The following PPM1L variants were observed in gnomAD, a reference collection of about 807,000 sequenced individuals.
PPM1L encodes protein phosphatase 1L.
Under a neutral mutation model 31.4 loss-of-function variants are expected in PPM1L, and 13 were observed. The observed-to-expected ratio is 0.41, with a 90% CI of 0.27 to 0.66. PPM1L has a LOEUF of 0.66. PPM1L is among the 30% of genes least tolerant of loss of function. The probability of loss-of-function intolerance (pLI) is 0.29; values close to 1 mark genes in which losing one functional copy is unlikely to be tolerated. For missense variants in PPM1L, 326 were observed against 453.7 expected (o/e 0.72, Z 2.56); for synonymous variants, 184 against 175.4 (o/e 1.05, Z -0.39).
chr3:160,886,573 G>A (rs553699547), intron 1 of PPM1L, among the ~76,000 whole-genome samples: 21 of 152,154 alleles, frequency 1.4e-4, no homozygotes, highest in African/African-American at 4.6e-4. Context: ...AGATGAATAC[G>A]GCCTGAAGTG....
At chr3:160,840,638 T>C (rs1713843600) in intron 1 of PPM1L, among the ~76,000 whole-genome samples, 2 of 151,862 alleles carry the variant, frequency 1.3e-5, no homozygotes, top group Non-Finnish European at 2.9e-5. Context: ...CTGGGGATGC[T>C]GCTGGCACAA....
intron 1 of PPM1L, among the ~76,000 whole-genome samples, chr3:160,922,221 A>G (rs1009653178): frequency 2.6e-5 from 4 of 152,078 alleles, no homozygotes; most frequent in Non-Finnish European, 4.4e-5. Context: ...GAGGCAGGAG[A>G]ATGGCGTGAA....
chr3:160,921,519 G>C (rs1714402751), intron 1 of PPM1L, among the ~76,000 whole-genome samples: 1 of 152,154 alleles, frequency 6.6e-6, no homozygotes, highest in South Asian at 2.1e-4. Flanking sequence ...ATAACGTTTA[G>C]TCCCATTTAC....
chr3:160,956,429 T>A (rs1003521853), intron 1 of PPM1L, among the ~76,000 whole-genome samples: 10 of 152,228 alleles, frequency 6.6e-5, no homozygotes, highest in Non-Finnish European at 1.3e-4. Context: ...ATTTAGGATA[T>A]GTCTGGCTAA....
At chr3:160,758,288 T>A (rs1714871918) in intron 1 of PPM1L, among the ~76,000 whole-genome samples, 1 of 152,196 alleles carries the variant, frequency 6.6e-6, no homozygotes, top group Non-Finnish European at 1.5e-5. Context: ...GCCAGTATAA[T>A]GGCTGATTTG....
chr3:160,762,261 C>T (rs971343324), intron 1 of PPM1L, among the ~76,000 whole-genome samples: 50 of 152,208 alleles, frequency 3.3e-4, no homozygotes, highest in Admixed American at 3.3e-4. Context: ...AGAGAAGATT[C>T]TGATTATTTT....
chr3:160,905,087 C>G (rs543589796), intron 1 of PPM1L, among the ~76,000 whole-genome samples: 1 of 152,236 alleles, frequency 6.6e-6, no homozygotes, highest in South Asian at 2.1e-4. Context: ...ACTCATTGAG[C>G]GATGTTACAA....
chr3:160,789,873 A>G (rs1328007407), intron 1 of PPM1L, among the ~76,000 whole-genome samples: 1 of 152,044 alleles, frequency 6.6e-6, no homozygotes, highest in Non-Finnish European at 1.5e-5. Context: ...ACCCCTCCCC[A>G]CTGTGGATAC....
intron 2 of PPM1L, among the ~76,000 whole-genome samples, chr3:160,996,164 A>G (rs562013141): frequency 9.8e-5 from 15 of 152,322 alleles, no homozygotes; most frequent in African/African-American, 2.9e-4. Context: ...GATGTGGTGA[A>G]AAGGGAACAC....
rs1719838688 is a variant in PPM1L, at chr3:161,069,256, C to T, written c.*99C>T. ...TGTGGGAGTTGTAATTAGGATCATC[C>T]ACCCCAGACATGGAATCCCCCCTCC... On this transcript the variant is annotated 3_prime_UTR_variant, in exon 4 of 4. Coordinates refer to ENST00000498165, the MANE Select transcript of PPM1L (RefSeq NM_139245.4). 3 of 908,410 alleles carry T rather than the reference C, an allele frequency of 3.3e-6. No individual in the cohort carries two copies. The South Asian group carries it at 5.3e-5, about 16-fold the overall frequency. 56.3% of individuals were successfully genotyped at this position (908,410 alleles called of 1,614,324 possible).
chr3:160,940,479 G>A (rs917688776), intron 1 of PPM1L, among the ~76,000 whole-genome samples: 1 of 152,204 alleles, frequency 6.6e-6, no homozygotes, highest in Non-Finnish European at 1.5e-5. Context: ...CAGGGTCCCT[G>A]TGCTGTGTGC....
intron 1 of PPM1L, among the ~76,000 whole-genome samples, chr3:160,854,603 T>TAC (rs373730817): frequency 4.4e-4 from 66 of 150,434 alleles, no homozygotes; most frequent in Middle Eastern, 6.8e-3. Context: ...TAGAGACACA[T>TAC]ACACACACAC....
At chr3:160,881,924 G>T (rs144690750) in intron 1 of PPM1L, among the ~76,000 whole-genome samples, 1 of 152,176 alleles carries the variant, frequency 6.6e-6, no homozygotes, top group African/African-American at 2.4e-5. Context: ...GGTAACAGGC[G>T]TCTGTAATCC....
At chr3:160,996,874 C>T (rs1330266251) in intron 2 of PPM1L, among the ~76,000 whole-genome samples, 1 of 152,102 alleles carries the variant, frequency 6.6e-6, no homozygotes, top group Non-Finnish European at 1.5e-5. Context: ...TCACAGAGCA[C>T]AGATACAAAG....
chr3:161,001,511 C>T (rs1203408767), intron 2 of PPM1L, among the ~76,000 whole-genome samples: 1 of 152,032 alleles, frequency 6.6e-6, no homozygotes, highest in Non-Finnish European at 1.5e-5. Context: ...GGACTTCTGG[C>T]CTCAAGTAAT....
Position 160,877,642 on chromosome 3 carries a change from C to T in PPM1L, c.400-84094C>T, listed in dbSNP as rs74874079. On this transcript the variant is annotated intron_variant, in intron 1 of 3. Transcript: ENST00000498165. ...GAAAGGAGAACAGCTCTCTCTCCTA[C>T]GAGAGAGAGGCTCCCAAGTGGGACT... 8.4e-3 allele frequency among the ~76,000 whole-genome samples: 1,282 copies of T among 152,194 alleles called. 15 individuals carry two copies. Among genetic ancestry groups the T allele is most frequent in the African/African-American group, 0.029 (1,218 of 41,514 alleles).
At chr3:161,064,729 C>T (rs1354958974) in intron 2 of PPM1L, among the ~76,000 whole-genome samples, 1 of 152,152 alleles carries the variant, frequency 6.6e-6, no homozygotes, top group Non-Finnish European at 1.5e-5. Flanking sequence ...GTGTGGGCTT[C>T]AGGCAAGCAC....
At chr3:160,845,542 T>C (rs956098517) in intron 1 of PPM1L, among the ~76,000 whole-genome samples, 2 of 151,998 alleles carry the variant, frequency 1.3e-5, no homozygotes, top group Non-Finnish European at 2.9e-5. Flanking sequence ...TTTTGGTCTC[T>C]TGTGTGCTGT....
chr3:160,846,327 G>A (rs1487188655), intron 1 of PPM1L, among the ~76,000 whole-genome samples: 1 of 152,038 alleles, frequency 6.6e-6, no homozygotes, highest in African/African-American at 2.4e-5. Context: ...ATGTGGTTTT[G>A]TTGCCTCTTT....
Sources: gnomAD v4.1 joint callset for allele counts (sites outside exome capture counted in the v4.1 genomes callset) on GRCh38, gnomAD v4.1.1 for gene constraint, MANE v1.5 for transcripts, NCBI Gene and HGNC (gene_info 2026-07-23, HGNC 2026-07-21) for gene names.